The following STX8 variants were observed in gnomAD, a reference collection of about 807,000 sequenced individuals.
STX8 encodes the protein syntaxin 8, also known as syntaxin-8.
STX8 carries 23 observed loss-of-function variants against 37.5 expected under a neutral mutation model. The ratio of observed to expected loss-of-function variants is 0.61; its 90% confidence interval spans 0.44 to 0.87. The LOEUF (loss-of-function observed/expected upper bound fraction) is 0.87. Among genes scored for constraint, STX8 ranks in the 40% least tolerant of loss-of-function variants. The pLI is 0.00. For missense variants in STX8, 313 were observed against 284.7 expected (o/e 1.10, Z -0.71); for synonymous variants, 115 against 99.1 (o/e 1.16, Z -0.95).
At chr17:9,318,945 C>A (rs548361254) in intron 7 of STX8, among the ~76,000 whole-genome samples, 1 of 151,992 alleles carries the variant, frequency 6.6e-6, no homozygotes, top group East Asian at 1.9e-4. Flanking sequence ...AGAGCCAGTG[C>A]GGATTGGAGC....
At chr17:9,339,282 A>G (rs1418837750) in intron 7 of STX8, among the ~76,000 whole-genome samples, 1 of 152,160 alleles carries the variant, frequency 6.6e-6, no homozygotes, top group Non-Finnish European at 1.5e-5. Flanking sequence ...ATTCTTGATT[A>G]CATAACTAAT....
chr17:9,333,036 AG>A (rs1417046390), intron 7 of STX8, among the ~76,000 whole-genome samples: 5 of 152,196 alleles, frequency 3.3e-5, no homozygotes, highest in Admixed American at 2.0e-4. Context: ...TATGCGTCCA[AG>A]TTTCCTGTCG....
intron 7 of STX8, among the ~76,000 whole-genome samples, chr17:9,268,103 C>T (rs1463640918): frequency 6.6e-6 from 1 of 151,954 alleles, no homozygotes; most frequent in Non-Finnish European, 1.5e-5. Context: ...CTCCCATATG[C>T]TCTCCTCTCT....
chr17:9,285,997 C>T (rs572873324), intron 7 of STX8, among the ~76,000 whole-genome samples: 50 of 151,996 alleles, frequency 3.3e-4, no homozygotes, highest in South Asian at 2.7e-3. Flanking sequence ...CTATATGGAG[C>T]GCTTTGGAAA....
At chr17:9,440,018 T>C (rs2142384554) in intron 6 of STX8, among the ~76,000 whole-genome samples, 1 of 152,214 alleles carries the variant, frequency 6.6e-6, no homozygotes, top group East Asian at 1.9e-4. Context: ...CAAACCTTGG[T>C]CAGGATGGAC....
At chr17:9,335,042 C>CACCTGCTCTG (rs1273769610) in intron 7 of STX8, among the ~76,000 whole-genome samples, 1 of 152,192 alleles carries the variant, frequency 6.6e-6, no homozygotes, top group Non-Finnish European at 1.5e-5. Flanking sequence ...CACCCCTGGT[C>CACCTGCTCTG]ACCTGCTCTG....
chr17:9,337,523 T>C (rs538715308), intron 7 of STX8, among the ~76,000 whole-genome samples: 1 of 152,110 alleles, frequency 6.6e-6, no homozygotes, highest in Non-Finnish European at 1.5e-5. Context: ...CACGCCACCA[T>C]GCCCCGCTAA....
At chr17:9,428,671 T>C (rs1367083937) in intron 6 of STX8, among the ~76,000 whole-genome samples, 3 of 152,216 alleles carry the variant, frequency 2.0e-5, no homozygotes, top group South Asian at 2.1e-4. Flanking sequence ...AAAGGAACAA[T>C]GGCATATTTT....
chr17:9,407,693 G>A (rs1023936183), intron 6 of STX8, among the ~76,000 whole-genome samples: 6 of 151,742 alleles, frequency 4.0e-5, no homozygotes, highest in East Asian at 1.9e-4. Context: ...TGGAGGGGGC[G>A]GGACAGCTTC....
intron 7 of STX8, among the ~76,000 whole-genome samples, chr17:9,304,301 G>A (rs1334714021): frequency 6.6e-6 from 1 of 152,072 alleles, no homozygotes; most frequent in African/African-American, 2.4e-5. Context: ...CCTGAGGTCA[G>A]GAGTTTGAGA....
At chr17:9,398,206 GA>G (rs1689173922) in intron 6 of STX8, among the ~76,000 whole-genome samples, 1 of 152,110 alleles carries the variant, frequency 6.6e-6, no homozygotes, top group Non-Finnish European at 1.5e-5. Context: ...GAAGCCTAAC[GA>G]ACACCACCTT....
At chr17:9,260,279 C>T (rs373076476) in intron 7 of STX8, among the ~76,000 whole-genome samples, 1 of 151,970 alleles carries the variant, frequency 6.6e-6, no homozygotes, top group Non-Finnish European at 1.5e-5. Context: ...GCTGTGATTG[C>T]ACCACTGCAC....
At chr17:9,500,915 G>T (rs550835925) in intron 5 of STX8, among the ~76,000 whole-genome samples, 4 of 152,284 alleles carry the variant, frequency 2.6e-5, no homozygotes, top group Admixed American at 2.6e-4. Context: ...TGAGGCAGAA[G>T]AATGTCGTGA....
intron 7 of STX8, among the ~76,000 whole-genome samples, chr17:9,262,404 G>A (rs946375697): frequency 5.3e-5 from 8 of 152,176 alleles, no homozygotes; most frequent in African/African-American, 1.9e-4. Context: ...AACACTCGAG[G>A]GGTGGGCCAC....
intron 6 of STX8, among the ~76,000 whole-genome samples, chr17:9,481,743 A>G (rs1253620230): frequency 1.3e-5 from 2 of 152,184 alleles, no homozygotes; most frequent in Non-Finnish European, 2.9e-5. Flanking sequence ...CAGGCAAGTG[A>G]GCATTACTGC....
chr17:9,269,198 A>G (rs200638671), intron 7 of STX8, among the ~76,000 whole-genome samples: 2,220 of 152,140 alleles, frequency 0.015, 85 homozygotes, highest in East Asian at 0.11. Context: ...AAAAAAAAAA[A>G]AAAAAGAAGT....
intron 7 of STX8, among the ~76,000 whole-genome samples, chr17:9,373,857 C>T (rs1032656718): frequency 4.0e-5 from 6 of 150,326 alleles, no homozygotes; most frequent in African/African-American, 1.2e-4. Flanking sequence ...GAGAATCGCT[C>T]GAACCCGGAA....
rs111555086 is a variant in STX8 at position 9,394,384 on chromosome 17, A to ATT, written c.542-15733_542-15732dup. ...ATTATTTATTTATTTATTTAAATTC[A>ATT]TTTTTTTTTTTGAGACTAAGTCTCA... On this transcript the variant is annotated intron_variant, in intron 6 of 7. Transcript: ENST00000306357. Among the ~76,000 whole-genome samples the ATT allele has an allele frequency of 9.2e-3, 1,360 of 148,038 alleles. 26 individuals carry two copies. Among genetic ancestry groups the ATT allele is most frequent in the African/African-American group, 0.031 (1,258 of 40,698 alleles).
intron 7 of STX8, among the ~76,000 whole-genome samples, chr17:9,305,956 G>C (rs1225138271): frequency 6.6e-6 from 1 of 151,864 alleles, no homozygotes; most frequent in African/African-American, 2.4e-5. Flanking sequence ...TGTTGGTCAG[G>C]CTGGTCTTGA....
Sources: allele counts gnomAD v4.1 joint callset (sites outside exome capture counted in the v4.1 genomes callset), GRCh38; gene constraint gnomAD v4.1.1; transcripts MANE v1.5; gene names NCBI Gene and HGNC (gene_info 2026-07-23, HGNC 2026-07-21).